The following HMCN1 variants were observed in gnomAD, a reference collection of about 807,000 sequenced individuals.
The protein encoded by HMCN1 is hemicentin-1.
HMCN1 carries 321 observed loss-of-function variants against 625.9 expected under a neutral mutation model. That is an observed-to-expected ratio of 0.51 (90% confidence interval 0.47 to 0.56). HMCN1 has a LOEUF of 0.56. Among genes scored for constraint, HMCN1 ranks in the 20% least tolerant of loss-of-function variants. The pLI is 0.00. For missense variants in HMCN1, 6,588 were observed against 6,887.3 expected, an observed-to-expected ratio of 0.96 and a Z score of 1.54; for synonymous variants, 2,425 against 2,417.6, an observed-to-expected ratio of 1.00 and a Z score of -0.09.
chr1:186,107,238 AC>A (rs1230939944), intron 70 of HMCN1, among the ~76,000 whole-genome samples: 11 of 152,148 alleles, frequency 7.2e-5, no homozygotes, highest in African/African-American at 2.7e-4. Flanking sequence ...GGTGCCTGCC[AC>A]CACGCCCGGC....
At chr1:186,038,219 T>C (rs190186394) in intron 37 of HMCN1, among the ~76,000 whole-genome samples, 184 bp downstream of exon 37, 181 of 152,314 alleles carry the variant, frequency 1.2e-3, no homozygotes, top group African/African-American at 4.2e-3. Context: ...TTTAACTAAC[T>C]GCATGAAACA....
chr1:185,859,624 G>A (rs1662737257), intron 2 of HMCN1, among the ~76,000 whole-genome samples: 2 of 151,974 alleles, frequency 1.3e-5, no homozygotes, highest in South Asian at 4.2e-4. Context: ...CTGTGTTAGT[G>A]CAGAGGTAAA....
At chr1:186,180,217 C>T (rs568893658) in intron 104 of HMCN1, among the ~76,000 whole-genome samples, 1 of 152,162 alleles carries the variant, frequency 6.6e-6, no homozygotes, top group Admixed American at 6.5e-5. Context: ...AATTTTATGC[C>T]CACAATTTTG....
chr1:186,068,539 G>A (rs1267985637), intron 50 of HMCN1, among the ~76,000 whole-genome samples: 1 of 152,072 alleles, frequency 6.6e-6, no homozygotes, highest in Non-Finnish European at 1.5e-5. Context: ...GAATAGTCAG[G>A]GGGTATGATA....
chr1:186,158,022 T>C lies in HMCN1; in HGVS notation c.15256+4035T>C, dbSNP rs1010674224. 5.3e-5 allele frequency among the ~76,000 whole-genome samples: 8 copies of C among 150,528 alleles called. No individual in the cohort carries two copies. In the East Asian group the frequency reaches 9.7e-4, roughly 18 times the overall value. On this transcript the variant is annotated intron_variant, in intron 97 of 106. Transcript: ENST00000271588. ...ATCCCTGAGGAATCGCCACACTGAC[T>C]TCCACAATGGTTGAACTAGTTTACA...
intron 35 of HMCN1, among the ~76,000 whole-genome samples, chr1:186,021,942 G>A (rs1390552502): frequency 6.6e-6 from 1 of 152,042 alleles, no homozygotes; most frequent in African/African-American, 2.4e-5. Flanking sequence ...GGGGATCTGA[G>A]AAACATATAG....
chr1:186,170,372 T>C (rs1278379882), intron 100 of HMCN1, among the ~76,000 whole-genome samples: 2 of 152,176 alleles, frequency 1.3e-5, no homozygotes, highest in East Asian at 3.9e-4. Flanking sequence ...GTTCAATCAT[T>C]GTGGAAGACA....
intron 2 of HMCN1, among the ~76,000 whole-genome samples, chr1:185,856,134 T>C (rs775858448): frequency 3.9e-5 from 6 of 152,234 alleles, no homozygotes; most frequent in Non-Finnish European, 5.9e-5. Flanking sequence ...ACATCCTGTT[T>C]TCTTGGTAAA....
At chr1:185,955,820 A>C (rs1251878454) in intron 11 of HMCN1, among the ~76,000 whole-genome samples, 1 of 152,068 alleles carries the variant, frequency 6.6e-6, no homozygotes, top group Non-Finnish European at 1.5e-5. Context: ...GCTTGACCCT[A>C]GCCCTTCTTT....
At chr1:186,091,837 C>T (rs991363172) in intron 64 of HMCN1, among the ~76,000 whole-genome samples, 1 of 151,908 alleles carries the variant, frequency 6.6e-6, no homozygotes, top group Non-Finnish European at 1.5e-5. Flanking sequence ...ATAAATTGAA[C>T]ATATATATAA....
At chr1:186,058,212 T>G (rs1657470267) in intron 46 of HMCN1, among the ~76,000 whole-genome samples, 1 of 152,020 alleles carries the variant, frequency 6.6e-6, no homozygotes, top group South Asian at 2.1e-4. Context: ...GCACTTACGG[T>G]CAAACCAGTT....
Position 186,039,727 on chromosome 1 carries a change from G to A in HMCN1, c.6029-1G>A. Reference sequence around the variant, plus strand: ...GTCTTACTTTCATTTGTTTTTTTCAGTGGCCCCATCAATTTCTGGCAGCAA... The same window carrying A: ...GTCTTACTTTCATTTGTTTTTTTCAATGGCCCCATCAATTTCTGGCAGCAA... On this transcript the variant is annotated splice_acceptor_variant, in intron 38 of 106. Coordinates refer to ENST00000271588, the MANE Select transcript of HMCN1 (RefSeq NM_031935.3). LOFTEE classifies it high-confidence loss of function. 4.3e-6 allele frequency: 7 copies of A among 1,613,132 alleles called. No individual in the cohort carries two copies. Among genetic ancestry groups the A allele is most frequent in the Non-Finnish European group, 5.9e-6 (7 of 1,179,428 alleles).
chr1:185,942,012 G>A (rs978763970), intron 11 of HMCN1, among the ~76,000 whole-genome samples: 2 of 151,842 alleles, frequency 1.3e-5, no homozygotes, highest in Non-Finnish European at 2.9e-5. Context: ...ACAACATGGT[G>A]AAACTCCATC....
chr1:185,835,357 G>T (rs1301926341), intron 1 of HMCN1, among the ~76,000 whole-genome samples: 1 of 151,838 alleles, frequency 6.6e-6, no homozygotes, highest in Non-Finnish European at 1.5e-5. Context: ...TTTTGGATAT[G>T]TGCCACAGCT....
Position 185,923,601 on chromosome 1 carries a change from T to C in HMCN1, c.1233T>C (p.Asp411=), listed in dbSNP as rs747978883. The change falls in exon 8 of 107, where the codon GAT becomes GAC. Residue 411 remains aspartate (D), a synonymous_variant. Transcript: ENST00000271588. ...TCAAAGTAACAGGCTATGATAAAGA[T>C]GATTACCTCTTCCAGAGAGTATCAA... The part of the protein sequence containing the change: ...FFLKVTGYDK[D]DYLFQRVSSV... 1.7e-5 allele frequency: 28 copies of C among 1,609,002 alleles called. No homozygotes were observed. Among genetic ancestry groups the C allele is most frequent in the Admixed American group, 3.3e-5 (2 of 60,018 alleles).
rs547503371 is a variant in HMCN1 at position 185,877,560 on chromosome 1, G to A, written c.621+11697G>A. On this transcript the variant is annotated intron_variant, in intron 4 of 106. Coordinates refer to ENST00000271588, the MANE Select transcript of HMCN1 (RefSeq NM_031935.3). The stretch of plus-strand genomic sequence containing the variant: ...TCTGCATATTGCTCTGGGCATTATG[G>A]GCATTTTAACAATATTGATTCTTCT... Among the ~76,000 whole-genome samples the A allele has an allele frequency of 4.0e-5, 6 of 151,290 alleles. No homozygotes were observed. The South Asian group carries it at 1.0e-3, about 26-fold the overall frequency.
intron 26 of HMCN1, among the ~76,000 whole-genome samples, chr1:186,000,589 G>GTGTA (rs1024638445): frequency 2.0e-5 from 3 of 146,438 alleles, no homozygotes; most frequent in East Asian, 3.9e-4. Context: ...GTGTGTGTGT[G>GTGTA]TGTATGTATG....
intron 48 of HMCN1, among the ~76,000 whole-genome samples, chr1:186,063,927 AAAGT>A (rs1375971702): frequency 2.0e-5 from 3 of 152,188 alleles, no homozygotes; most frequent in South Asian, 2.1e-4. Context: ...TTGCAGTTTT[AAAGT>A]AAGAATGAAA....
rs1173159547 is a variant in HMCN1, at chr1:186,088,666, G to A, written c.9638G>A (p.Arg3213Gln). ...GGAGGTAGCAAACTCCAGATTGCCC[G>A]GTCTCAGCATTCAGATAGTGGAAAC... ...LSGGSKLQIA[R>Q]SQHSDSGNYT... is the part of the protein sequence containing the mutation. The change falls in exon 63 of 107, where the codon CGG becomes CAG. Residue 3213 changes from arginine (R) to glutamine (Q), a missense_variant. Transcript: ENST00000271588. 1.6e-5 allele frequency: 25 copies of A among 1,611,670 alleles called. No individual in the cohort carries two copies. Among genetic ancestry groups the A allele is most frequent in the East Asian group, 4.5e-5 (2 of 44,782 alleles).
Sources: gnomAD v4.1 joint callset for allele counts (sites outside exome capture counted in the v4.1 genomes callset) on GRCh38, gnomAD v4.1.1 for gene constraint, MANE v1.5 for transcripts, NCBI Gene and HGNC (gene_info 2026-07-23, HGNC 2026-07-21) for gene names.